Variants in SLC4A5 observed in about 807,000 individuals in gnomAD.
The protein encoded by SLC4A5 is solute carrier family 4 member 5, also known as electrogenic sodium bicarbonate cotransporter 4.
SLC4A5 carries 96 observed loss-of-function variants against 120.4 expected under a neutral mutation model. That is an observed-to-expected ratio of 0.80 (90% CI 0.68 to 0.94). The LOEUF (loss-of-function observed/expected upper bound fraction) is 0.94. Among genes scored for constraint, SLC4A5 ranks in the 40% least tolerant of loss-of-function variants. SLC4A5 has a pLI of 0.00. For missense variants in SLC4A5, 1,259 were observed against 1,459.5 expected (o/e 0.86, Z 2.24); for synonymous variants, 550 against 571.1 (o/e 0.96, Z 0.53).
chr2:74,232,335 T>C lies in SLC4A5; in HGVS notation c.2774+134A>G, dbSNP rs58510519. ...TCCCTCCCTCCAGGGATAGCACTCC[T>C]GTCCCTGTGGTTCTTGGGCCGTCAG... On this transcript the variant is annotated intron_variant, in intron 24 of 30. Coordinates refer to ENST00000394019, the Ensembl canonical transcript of SLC4A5. 8.6e-3 allele frequency: 8,894 copies of C among 1,029,132 alleles called. 547 individuals carry two copies. In the African/African-American group the frequency reaches 0.13, roughly 15 times the overall value. 63.8% of individuals were successfully genotyped at this position (1,029,132 alleles called of 1,614,324 possible). A position where few individuals can be genotyped will look rare whatever the true frequency, so the allele number is the denominator to read the frequency against.
intron 8 of SLC4A5, among the ~76,000 whole-genome samples, chr2:74,272,500 A>T (rs1054878856): frequency 6.6e-6 from 1 of 152,230 alleles, no homozygotes; most frequent in Non-Finnish European, 1.5e-5. Context: ...GTGGGGTATT[A>T]GAGTTGGGGA....
chr2:74,268,358 T>G (rs1303095108), intron 8 of SLC4A5, among the ~76,000 whole-genome samples: 1 of 152,236 alleles, frequency 6.6e-6, no homozygotes, highest in Non-Finnish European at 1.5e-5. Flanking sequence ...CACATATGCC[T>G]GTGTTTGCAT....
chr2:74,275,860 G>C lies in SLC4A5; in HGVS notation c.401+9913C>G, dbSNP rs953974599. Among the ~76,000 whole-genome samples, 6 of 152,300 alleles carry C rather than the reference G, an allele frequency of 3.9e-5. No individual in the cohort carries two copies. In the East Asian group the frequency reaches 1.2e-3, roughly 29 times the overall value. On this transcript the variant is annotated intron_variant, in intron 8 of 30. Transcript: ENST00000394019. ...GGAGACTGAGACCCTTAGAGGATGAGGAGCCTGCCCAAGGTCATGCAGCTC... is the reference window on the plus strand; with the variant it reads ...GGAGACTGAGACCCTTAGAGGATGACGAGCCTGCCCAAGGTCATGCAGCTC...
chr2:74,308,738 AT>A (rs201646465), intron 6 of SLC4A5, among the ~76,000 whole-genome samples: 3,179 of 143,720 alleles, frequency 0.022, 87 homozygotes, highest in African/African-American at 0.06. Context: ...CCAGCTTATC[AT>A]TTTTTTTTTT....
At chr2:74,234,930 T>C (rs979251713) in intron 22 of SLC4A5, among the ~76,000 whole-genome samples, 171 bp downstream of exon 22, 4 of 152,182 alleles carry the variant, frequency 2.6e-5, no homozygotes, top group Non-Finnish European at 4.4e-5. Flanking sequence ...CTCCCCGCCC[T>C]ACCTCAAAGG....
chr2:74,233,461 T>C (rs1218462991), exon 23 of SLC4A5: 9 of 1,614,102 alleles, frequency 5.6e-6, no homozygotes, highest in Non-Finnish European at 7.6e-6. Flanking sequence ...TCCATGAAGA[T>C]CAGGATGGTC....
At chr2:74,247,364 A>T in intron 18 of SLC4A5, 57 bp from the exon 19 acceptor site, 2 of 1,542,988 alleles carry the variant, frequency 1.3e-6, no homozygotes, top group Non-Finnish European at 1.7e-6. Flanking sequence ...GCTGTGCTTG[A>T]CTCCTCAGAC....
At chr2:74,293,709 T>C (rs938431748) in intron 7 of SLC4A5, among the ~76,000 whole-genome samples, 3 of 152,186 alleles carry the variant, frequency 2.0e-5, no homozygotes, top group Non-Finnish European at 4.4e-5. Context: ...CCTTTGTTCT[T>C]GTAATATAAA....
chr2:74,279,735 A>C (rs1203944886), intron 8 of SLC4A5, among the ~76,000 whole-genome samples: 1 of 152,188 alleles, frequency 6.6e-6, no homozygotes, highest in East Asian at 1.9e-4. Context: ...ACAAAATTTA[A>C]AAATATCCAA....
intron 17 of SLC4A5, among the ~76,000 whole-genome samples, chr2:74,249,710 T>C (rs547027570): frequency 1.3e-5 from 2 of 152,210 alleles, no homozygotes; most frequent in South Asian, 4.2e-4. Flanking sequence ...GTCAGCTGTG[T>C]GAACTGGGGG....
intron 7 of SLC4A5, among the ~76,000 whole-genome samples, chr2:74,303,045 T>C (rs994801616): frequency 1.4e-5 from 2 of 147,244 alleles, no homozygotes; most frequent in Non-Finnish European, 1.5e-5. Flanking sequence ...TGTGTGTGTG[T>C]GCATGTGGAA....
At chr2:74,314,670 A>G (rs552726208) in intron 6 of SLC4A5, among the ~76,000 whole-genome samples, 2 of 152,326 alleles carry the variant, frequency 1.3e-5, no homozygotes, top group South Asian at 4.1e-4. Context: ...TATGGTTTGC[A>G]GATCTTGTAA....
chr2:74,337,975 C>T (rs999291299), intron 3 of SLC4A5, among the ~76,000 whole-genome samples: 1 of 152,132 alleles, frequency 6.6e-6, no homozygotes, highest in Non-Finnish European at 1.5e-5. Flanking sequence ...GGCTGGAGCC[C>T]AGTGGCGCCT....
intron 8 of SLC4A5, among the ~76,000 whole-genome samples, chr2:74,278,520 A>G (rs1233435615): frequency 6.6e-6 from 1 of 152,178 alleles, no homozygotes; most frequent in Non-Finnish European, 1.5e-5. Flanking sequence ...AGCCCCTAGC[A>G]TAGCCCTCAT....
chr2:74,219,247 G>C (rs541514156), intron 30 of SLC4A5, among the ~76,000 whole-genome samples: 2 of 150,398 alleles, frequency 1.3e-5, no homozygotes, highest in Non-Finnish European at 3.0e-5. Context: ...ATGGTACTTC[G>C]GGCCTGTGTC....
At chr2:74,252,989 G>A in exon 15 of SLC4A5, 1 of 1,614,100 alleles carries the variant, frequency 6.2e-7, no homozygotes, top group Non-Finnish European at 8.5e-7. Flanking sequence ...GTCAGCAGAG[G>A]GCACCTTCTT....
At chr2:74,310,532 T>A (rs1672773117) in intron 6 of SLC4A5, among the ~76,000 whole-genome samples, 1 of 152,220 alleles carries the variant, frequency 6.6e-6, no homozygotes. Flanking sequence ...TTTTGTCAAA[T>A]GCTTTTTCTG....
chr2:74,231,498 G>C (rs1670083415), intron 24 of SLC4A5, among the ~76,000 whole-genome samples, 190 bp from the exon 25 acceptor site: 1 of 152,202 alleles, frequency 6.6e-6, no homozygotes, highest in Admixed American at 6.5e-5. Context: ...GCCCCTGACT[G>C]GGGCAAGGGC....
At chr2:74,318,614 AG>A (rs1250086644) in intron 5 of SLC4A5, among the ~76,000 whole-genome samples, 19 of 152,162 alleles carry the variant, frequency 1.2e-4, no homozygotes, top group African/African-American at 4.6e-4. Context: ...TGAACCCAGA[AG>A]GCAGAGGTTG....
Sources: allele counts gnomAD v4.1 joint callset (sites outside exome capture counted in the v4.1 genomes callset), GRCh38; gene constraint gnomAD v4.1.1; transcripts MANE v1.5; gene names NCBI Gene and HGNC (gene_info 2026-07-23, HGNC 2026-07-21).